Variants in MAN2A1 observed in about 807,000 individuals in gnomAD.
MAN2A1 encodes the protein alpha-mannosidase 2.
A neutral mutation model predicts 142.6 loss-of-function variants in MAN2A1; 76 were observed. That is an observed-to-expected ratio of 0.53 (90% CI 0.44 to 0.65). MAN2A1 has a LOEUF of 0.65. Ranked by LOEUF, MAN2A1 falls within the 30% of genes least tolerant of loss-of-function variation. The pLI, the probability that MAN2A1 is intolerant of heterozygous loss-of-function variation, is 0.00. For missense variants in MAN2A1, 1,311 were observed against 1,365.1 expected, an observed-to-expected ratio of 0.96 and a Z score of 0.62; for synonymous variants, 559 against 473.2, an observed-to-expected ratio of 1.18 and a Z score of -2.35.
At chr5:109,732,213 G>GT (rs1162908914) in intron 4 of MAN2A1, among the ~76,000 whole-genome samples, 7 of 149,730 alleles carry the variant, frequency 4.7e-5, no homozygotes, top group Non-Finnish European at 1.0e-4. Context: ...GGGGTTGTTT[G>GT]TTTTTTTCTT....
intron 8 of MAN2A1, among the ~76,000 whole-genome samples, chr5:109,781,064 T>G (rs937614863): frequency 6.6e-6 from 1 of 152,212 alleles, no homozygotes; most frequent in Non-Finnish European, 1.5e-5. Flanking sequence ...TTCATTTATG[T>G]GGATTAATCC....
chr5:109,807,096 C>A (rs1754185145), intron 12 of MAN2A1, among the ~76,000 whole-genome samples: 1 of 152,006 alleles, frequency 6.6e-6, no homozygotes, highest in Non-Finnish European at 1.5e-5. Flanking sequence ...CTAGTAGCTT[C>A]CAGAAACCAT....
intron 3 of MAN2A1, among the ~76,000 whole-genome samples, chr5:109,728,587 T>A (rs1392132152): frequency 1.3e-5 from 2 of 152,210 alleles, no homozygotes; most frequent in African/African-American, 4.8e-5. Context: ...ATAGCCAAAT[T>A]GCAACTATCT....
At chr5:109,785,111 GC>G (rs1423578061) in intron 10 of MAN2A1, among the ~76,000 whole-genome samples, 185 bp downstream of exon 10, 4 of 152,066 alleles carry the variant, frequency 2.6e-5, no homozygotes, top group Non-Finnish European at 4.4e-5. Flanking sequence ...CAGAGTCCCA[GC>G]TGCACCAACT....
Position 109,729,514 on chromosome 5 carries a change from G to T in MAN2A1, c.707+1G>T. The T allele has an allele frequency of 6.8e-7, 1 of 1,473,230 alleles. No individual in the cohort carries two copies. Among genetic ancestry groups the T allele is most frequent in the Non-Finnish European group, 9.0e-7 (1 of 1,107,506 alleles). 91.3% of individuals were successfully genotyped at this position (1,473,230 alleles called of 1,614,324 possible). ...TTCAGAAGAAGGATGCTGTTAAAAG[G>T]TTTGTTTTAAAACTTTTTTGGAATT... On this transcript the variant is annotated splice_donor_variant, in intron 4 of 21. Transcript: ENST00000261483. LOFTEE classifies it high-confidence loss of function.
At position 109,806,724 on chromosome 5, in the gene MAN2A1, T is replaced by G. The variant is rs78966008; in HGVS notation, c.1944-10549T>G. Among the ~76,000 whole-genome samples the G allele has an allele frequency of 4.9e-4, 74 of 152,332 alleles. No homozygotes were observed. In the East Asian group the frequency reaches 0.014, roughly 29 times the overall value. On this transcript the variant is annotated intron_variant, in intron 12 of 21. Coordinates refer to ENST00000261483, the MANE Select transcript of MAN2A1 (RefSeq NM_002372.4). ...AGAATAAGGTATTTGCAGCAATCAC[T>G]TAGTTGCCAACAGCAATTTTAGGTA... is the stretch of plus-strand genomic sequence containing the variant.
At chr5:109,746,482 TTATGGATG>T (rs1282335936) in intron 4 of MAN2A1, among the ~76,000 whole-genome samples, 1 of 152,140 alleles carries the variant, frequency 6.6e-6, no homozygotes, top group Non-Finnish European at 1.5e-5. Context: ...CTTATTTATT[TTATGGATG>T]TATGGGAAAA....
At chr5:109,695,089 A>G (rs1207765947) in intron 1 of MAN2A1, among the ~76,000 whole-genome samples, 3 of 152,258 alleles carry the variant, frequency 2.0e-5, no homozygotes, top group Admixed American at 6.5e-5. Context: ...ACTCCTCTTC[A>G]GTCCAACAGC....
intron 16 of MAN2A1, among the ~76,000 whole-genome samples, chr5:109,832,105 T>C (rs1033417888): frequency 2.7e-5 from 4 of 150,730 alleles, no homozygotes; most frequent in Non-Finnish European, 5.9e-5. Context: ...TATATAAATA[T>C]CAGTGCAAAG....
chr5:109,744,937 A>C (rs1752359359), intron 4 of MAN2A1, among the ~76,000 whole-genome samples: 1 of 152,138 alleles, frequency 6.6e-6, no homozygotes, highest in Non-Finnish European at 1.5e-5. Context: ...AAAAATGATA[A>C]ATTACTGAAA....
chr5:109,732,427 A>G lies in MAN2A1; in HGVS notation c.707+2914A>G, dbSNP rs1751942260. Among the ~76,000 whole-genome samples the G allele has an allele frequency of 2.6e-5, 4 of 152,224 alleles. No homozygotes were observed. The South Asian group carries it at 8.3e-4, about 31-fold the overall frequency. On this transcript the variant is annotated intron_variant, in intron 4 of 21. Transcript: ENST00000261483. ...ATTGCTTTTGGTGTTTTAGACATGA[A>G]GTCCTTGCTCATGCCTATGTCCTGA...
intron 4 of MAN2A1, among the ~76,000 whole-genome samples, chr5:109,733,625 G>A (rs1414937942): frequency 6.6e-6 from 1 of 152,028 alleles, no homozygotes; most frequent in Non-Finnish European, 1.5e-5. Context: ...ATAATCATGT[G>A]GTTTTTGTCT....
At chr5:109,716,294 GTTA>G in intron 3 of MAN2A1, 30 bp downstream of exon 3, 1 of 1,573,308 alleles carries the variant, frequency 6.4e-7, no homozygotes, top group Non-Finnish European at 8.6e-7. Flanking sequence ...AAGACAGGAG[GTTA>G]TTAAGTTTCT....
At position 109,781,214 on chromosome 5, in the gene MAN2A1, A is replaced by T. The variant is rs1219012337; in HGVS notation, c.1375-182A>T. ...CTTAGTTTAATTTGGGCCTTAATGT[A>T]AGTAAAAAAAAAGTCACTATTATTT... On this transcript the variant is annotated intron_variant, in intron 8 of 21. Coordinates refer to ENST00000261483, the MANE Select transcript of MAN2A1 (RefSeq NM_002372.4). Among the ~76,000 whole-genome samples the T allele has an allele frequency of 3.3e-5, 5 of 152,144 alleles. No homozygotes were observed. In the East Asian group the frequency reaches 7.7e-4, roughly 23 times the overall value.
intron 4 of MAN2A1, among the ~76,000 whole-genome samples, chr5:109,745,341 C>G (rs909840736): frequency 5.3e-5 from 8 of 152,066 alleles, no homozygotes; most frequent in African/African-American, 1.9e-4. Context: ...ATATATGTCT[C>G]TCTTGATATG....
rs754816525 is a variant in MAN2A1, at chr5:109,789,006, A to G, written c.1833A>G (p.Lys611=). 1.2e-6 allele frequency: 2 copies of G among 1,603,770 alleles called. No individual in the cohort carries two copies. Among genetic ancestry groups the G allele is most frequent in the Admixed American group, 1.7e-5 (1 of 59,638 alleles). Residue 611 remains lysine, a synonymous_variant, in exon 11 of 22, where the codon AAA becomes AAG. Coordinates refer to ENST00000261483, the MANE Select transcript of MAN2A1 (RefSeq NM_002372.4). ...CATTTCTTCTTATTTTGAAGGACAAACTCACATACGACTCTTACTCTCCTG... is the reference window on the plus strand; with the variant it reads ...CATTTCTTCTTATTTTGAAGGACAAGCTCACATACGACTCTTACTCTCCTG... ...NSAFLLILKD[K]LTYDSYSPDT...
intron 3 of MAN2A1, among the ~76,000 whole-genome samples, chr5:109,724,379 A>G (rs981320602): frequency 4.6e-5 from 7 of 152,170 alleles, no homozygotes; most frequent in East Asian, 1.9e-4. Context: ...ACATCATGCA[A>G]TATACCCGTG....
At chr5:109,847,817 G>A (rs750361325) in intron 19 of MAN2A1, 27 bp downstream of exon 19, 11 of 1,434,312 alleles carry the variant, frequency 7.7e-6, no homozygotes, top group Non-Finnish European at 9.2e-6. Context: ...AGCATGATCT[G>A]ATATTGATTG....
chr5:109,782,246 C>G (rs1360659705), intron 9 of MAN2A1, among the ~76,000 whole-genome samples: 1 of 152,144 alleles, frequency 6.6e-6, no homozygotes, highest in Non-Finnish European at 1.5e-5. Flanking sequence ...CATAAAAACA[C>G]TAAACTGACA....
Sources: allele counts gnomAD v4.1 joint callset (sites outside exome capture counted in the v4.1 genomes callset), GRCh38; gene constraint gnomAD v4.1.1; transcripts MANE v1.5; gene names NCBI Gene and HGNC (gene_info 2026-07-23, HGNC 2026-07-21).